Variants in RTRAF observed in about 807,000 individuals in gnomAD.
RTRAF encodes the protein RNA transcription, translation and transport factor.
RTRAF carries 14 observed loss-of-function variants against 34.4 expected under a neutral mutation model. That is an observed-to-expected ratio of 0.41 (90% CI 0.27 to 0.64). The LOEUF is 0.64. Among genes scored for constraint, RTRAF ranks in the 30% least tolerant of loss-of-function variants. The pLI is 0.34. For missense variants in RTRAF, 291 were observed against 288.4 expected, an observed-to-expected ratio of 1.01 and a Z score of -0.06; for synonymous variants, 96 against 95.3, an observed-to-expected ratio of 1.01 and a Z score of -0.04.
At chr14:52,002,624 A>G (rs1890618037) in intron 6 of RTRAF, among the ~76,000 whole-genome samples, 2 of 152,252 alleles carry the variant, frequency 1.3e-5, no homozygotes, top group Non-Finnish European at 2.9e-5. Flanking sequence ...AAATCCAAAG[A>G]TGCCTAAAGT....
intron 3 of RTRAF, among the ~76,000 whole-genome samples, chr14:51,995,837 G>GA (rs1265055378): frequency 6.6e-6 from 1 of 151,794 alleles, no homozygotes; most frequent in African/African-American, 2.4e-5. Context: ...TCTTTCTTTA[G>GA]AAAATACATG....
At chr14:52,004,039 T>C in intron 6 of RTRAF, 155 bp from the exon 7 acceptor site, 1 of 685,654 alleles carries the variant, frequency 1.5e-6, no homozygotes, top group East Asian at 2.6e-5. Context: ...ATCACAATCA[T>C]CACAAAGCAA....
At chr14:51,999,529 A>G (rs887202150) in intron 4 of RTRAF, 179 bp from the exon 5 acceptor site, 6 of 499,462 alleles carry the variant, frequency 1.2e-5, no homozygotes, top group African/African-American at 3.8e-5. Context: ...TATCTTACCA[A>G]TTTATTTAAT....
Position 51,998,489 on chromosome 14 carries a change from T to C in RTRAF, c.287-5T>C, listed in dbSNP as rs762155548. ...TACAAATTATATTTTTGCCTGTTTT[T>C]ATAGCTGAAAAATACAAGGATTTAG... On this transcript the variant is annotated splice_region_variant and splice_polypyrimidine_tract_variant and intron_variant, in intron 3 of 7. Transcript: ENST00000261700. 3.9e-6 allele frequency: 6 copies of C among 1,529,812 alleles called. No homozygotes were observed. In the African/African-American group the frequency reaches 7.1e-5, roughly 18 times the overall value. 94.8% of individuals were successfully genotyped at this position (1,529,812 alleles called of 1,614,324 possible). A position where few individuals can be genotyped will look rare whatever the true frequency, so the allele number is the denominator to read the frequency against.
chr14:51,989,729 T>A (rs1451878167), intron 1 of RTRAF, 29 bp downstream of exon 1: 17 of 1,582,086 alleles, frequency 1.1e-5, no homozygotes, highest in Non-Finnish European at 1.5e-5. Context: ...CCCGGCCGCG[T>A]GTCCCTGACC....
chr14:52,006,156 C>T lies in RTRAF; in HGVS notation c.*1640C>T, dbSNP rs540001377. The T allele has an allele frequency of 7.1e-5, 29 of 409,636 alleles. No homozygotes were observed. The highest frequency in any genetic ancestry group is 4.8e-4 in the South Asian group (18 of 37,350). The allele number at this position is 409,636 out of a possible 1,614,324, so 25.4% of individuals were successfully genotyped here. ...TAGTCTAAATAGTATTTTTCGGTCC[C>T]TCAGACAATATGTCCACAGTGTCAA... On this transcript the variant is annotated 3_prime_UTR_variant, in exon 8 of 8. Transcript: ENST00000261700.
In RTRAF at chr14:52,005,633, A is replaced by G. The variant is rs555106732; in HGVS notation, c.*1117A>G. On this transcript the variant is annotated 3_prime_UTR_variant, in exon 8 of 8. Coordinates refer to ENST00000261700, the MANE Select transcript of RTRAF (RefSeq NM_016039.3). ...AAGACTGGCCCTCAGGGCAGGAAGAAGGCAATGGTGGCAGTGTCACAGGCA... is the reference window on the plus strand; with the variant it reads ...AAGACTGGCCCTCAGGGCAGGAAGAGGGCAATGGTGGCAGTGTCACAGGCA... The G allele has an allele frequency of 3.6e-6, 5 of 1,373,542 alleles. No individual in the cohort carries two copies. Among genetic ancestry groups the G allele is most frequent in the Non-Finnish European group, 5.2e-6 (5 of 964,884 alleles). 85.1% of individuals were successfully genotyped at this position (1,373,542 alleles called of 1,614,324 possible).
Position 52,007,342 on chromosome 14 carries a change from A to C in RTRAF, c.*2826A>C, listed in dbSNP as rs1474005886. ...TTCTTTAGTATAGAACTAGACACACAGCATTTTTTCAGTTGTGCTGATAAA... is the reference window on the plus strand; with the variant it reads ...TTCTTTAGTATAGAACTAGACACACCGCATTTTTTCAGTTGTGCTGATAAA... On this transcript the variant is annotated 3_prime_UTR_variant, in exon 8 of 8. Coordinates refer to ENST00000261700, the MANE Select transcript of RTRAF (RefSeq NM_016039.3). The C allele has an allele frequency of 5.7e-6, 1 of 175,260 alleles. No homozygotes were observed. The highest frequency in any genetic ancestry group is 1.8e-4 in the East Asian group (1 of 5,438). 10.9% of individuals were successfully genotyped at this position (175,260 alleles called of 1,614,324 possible).
intron 6 of RTRAF, among the ~76,000 whole-genome samples, chr14:52,002,905 A>G (rs1890623735): frequency 6.6e-6 from 1 of 152,218 alleles, no homozygotes; most frequent in African/African-American, 2.4e-5. Flanking sequence ...CTCGTTGTAT[A>G]TGAATCGAGC....
At position 51,993,763 on chromosome 14, in the gene RTRAF, G is replaced by T. The variant is rs774031961; in HGVS notation, c.227G>T (p.Arg76Leu). 1.9e-6 allele frequency: 3 copies of T among 1,603,498 alleles called. No homozygotes were observed. In the Admixed American group the frequency reaches 5.2e-5, roughly 28 times the overall value. Reference sequence around the variant, plus strand: ...AACTGTCCTTTCAAGATTCAAGATCGACAAGAAGCTATTGACTGGCTTCTT... The same window carrying T: ...AACTGTCCTTTCAAGATTCAAGATCTACAAGAAGCTATTGACTGGCTTCTT... ...DVNCPFKIQD[R>L]QEAIDWLLGL... The change falls in exon 3 of 8, where the codon CGA becomes CTA. Residue 76 changes from arginine to leucine, a missense_variant. By Grantham distance (102) the Arg-to-Leu change is moderately radical. Transcript: ENST00000261700.
At position 52,006,404 on chromosome 14, in the gene RTRAF, A is replaced by T. The variant is rs940223264; in HGVS notation, c.*1888A>T. 6 of 900,304 alleles carry T rather than the reference A, an allele frequency of 6.7e-6. No individual in the cohort carries two copies. The highest frequency in any genetic ancestry group is 3.3e-5 in the African/African-American group (2 of 59,850). The allele number at this position is 900,304 out of a possible 1,614,324, so 55.8% of individuals were successfully genotyped here. Reference sequence around the variant, plus strand: ...CATCCTTGAAGGATCTTATCTGCCAATGAGGAGGTGATGAAACAAAAGCCT... The same window carrying T: ...CATCCTTGAAGGATCTTATCTGCCATTGAGGAGGTGATGAAACAAAAGCCT... On this transcript the variant is annotated 3_prime_UTR_variant, in exon 8 of 8. Coordinates refer to ENST00000261700, the MANE Select transcript of RTRAF (RefSeq NM_016039.3).
Position 52,005,708 on chromosome 14 carries a change from A to G in RTRAF, c.*1192A>G, listed in dbSNP as rs767208547. The G allele has an allele frequency of 6.4e-7, 1 of 1,557,418 alleles. No individual in the cohort carries two copies. ...TATCCCTTCTCTACCCTGCTAATTTAAAGGAGCATCCTAAAGCATACTTTT... is the reference window on the plus strand; with the variant it reads ...TATCCCTTCTCTACCCTGCTAATTTGAAGGAGCATCCTAAAGCATACTTTT... On this transcript the variant is annotated 3_prime_UTR_variant, in exon 8 of 8. Transcript: ENST00000261700.
At chr14:51,993,969 TCTTTCATTGGTGTTTATA>T (rs1890476814) in intron 3 of RTRAF, 147 bp downstream of exon 3, 1 of 534,982 alleles carries the variant, frequency 1.9e-6, no homozygotes, top group African/African-American at 2.0e-5. Flanking sequence ...ACTTTTATTG[TCTTTCATTGGTGTTTATA>T]TATTTCTGTT....
Position 52,005,416 on chromosome 14 carries a change from T to C in RTRAF, c.*900T>C. On this transcript the variant is annotated 3_prime_UTR_variant, in exon 8 of 8. Coordinates refer to ENST00000261700, the MANE Select transcript of RTRAF (RefSeq NM_016039.3). ...CAATTCCTTTTTTACTTTCTTTGCC[T>C]TTGCAGTCACTGTTCTTTAGGGTCC... 4 of 1,432,806 alleles carry C rather than the reference T, an allele frequency of 2.8e-6. No individual in the cohort carries two copies. The highest frequency in any genetic ancestry group is 9.3e-7 in the Non-Finnish European group (1 of 1,071,192). 88.8% of individuals were successfully genotyped at this position (1,432,806 alleles called of 1,614,324 possible). A position where few individuals can be genotyped will look rare whatever the true frequency, so the allele number is the denominator to read the frequency against.
At chr14:51,996,892 G>T (rs771488661) in intron 3 of RTRAF, among the ~76,000 whole-genome samples, 2 of 152,004 alleles carry the variant, frequency 1.3e-5, no homozygotes, top group Non-Finnish European at 2.9e-5. Flanking sequence ...ATCTGGAACA[G>T]TTCCTGTCTT....
intron 5 of RTRAF, among the ~76,000 whole-genome samples, chr14:52,001,359 A>G (rs1890599407): frequency 6.6e-6 from 1 of 152,184 alleles, no homozygotes; most frequent in South Asian, 2.1e-4. Context: ...TGATAAAAGC[A>G]AAGTGTAAGA....
In RTRAF at chr14:51,998,680, A is replaced by G. The variant is rs1890559420; in HGVS notation, c.373+100A>G. ...GTCCAGGTTTACTTGGTTTTAGTAA[A>G]TTTAGAAGGATCCATGCAGACAGCA... is the stretch of plus-strand genomic sequence containing the variant. On this transcript the variant is annotated intron_variant, in intron 4 of 7. Transcript: ENST00000261700. 4 of 683,266 alleles carry G rather than the reference A, an allele frequency of 5.9e-6. No individual in the cohort carries two copies. The Admixed American group carries it at 8.8e-5, about 15-fold the overall frequency. 42.3% of individuals were successfully genotyped at this position (683,266 alleles called of 1,614,324 possible).
intron 6 of RTRAF, among the ~76,000 whole-genome samples, chr14:52,002,261 C>G (rs1393394157): frequency 6.6e-6 from 1 of 152,216 alleles, no homozygotes; most frequent in Non-Finnish European, 1.5e-5. Flanking sequence ...AAATTCTATC[C>G]TTGCTCTTAT....
In RTRAF at chr14:52,007,549, T is replaced by C. The variant is rs1890833541; in HGVS notation, c.*3033T>C. 2.3e-6 allele frequency: 1 copy of C among 433,754 alleles called. No individual in the cohort carries two copies. The highest frequency in any genetic ancestry group is 2.8e-5 in the South Asian group (1 of 35,414). 26.9% of individuals were successfully genotyped at this position (433,754 alleles called of 1,614,324 possible). A position where few individuals can be genotyped will look rare whatever the true frequency, so the allele number is the denominator to read the frequency against. On this transcript the variant is annotated 3_prime_UTR_variant, in exon 8 of 8. Transcript: ENST00000261700. The stretch of plus-strand genomic sequence containing the variant: ...TCAATTCAACAATGGCTAATTCTTT[T>C]AACTGTTAAAAATATGCCAGGCACT...
Sources: gnomAD v4.1 joint callset for allele counts (sites outside exome capture counted in the v4.1 genomes callset) on GRCh38, gnomAD v4.1.1 for gene constraint, MANE v1.5 for transcripts, NCBI Gene and HGNC (gene_info 2026-07-23, HGNC 2026-07-21) for gene names.